ZIC2: variants seen among roughly 807,000 people sequenced by gnomAD.
ZIC2 encodes Zic family zinc finger 2, also known as zinc finger protein ZIC 2.
A neutral mutation model predicts 29.5 loss-of-function variants in ZIC2; 7 were observed. The ratio of observed to expected loss-of-function variants is 0.24; its 90% CI spans 0.14 to 0.45. The LOEUF (loss-of-function observed/expected upper bound fraction) is 0.45, where lower values mean the gene tolerates loss of function less well. ZIC2 is among the 20% of genes least tolerant of loss of function. ZIC2 has a pLI of 1.00. For missense variants in ZIC2, 589 were observed against 781.2 expected (o/e 0.75, Z 2.93); for synonymous variants, 408 against 354.2 (o/e 1.15, Z -1.70).
In ZIC2 at chr13:99,982,674, C is replaced by T; in HGVS notation, c.610C>T (p.Pro204Ser). The T allele has an allele frequency of 6.2e-7, 1 of 1,600,220 alleles. No individual in the cohort carries two copies. Among genetic ancestry groups the T allele is most frequent in the Non-Finnish European group, 8.5e-7 (1 of 1,179,592 alleles). Residue 204 changes from proline to serine, a missense_variant, in exon 1 of 3, where the codon CCC becomes TCC. Around this residue, in one of 7 missense-constraint regions of ZIC2, gnomAD observed 358 missense variants for 382.0 expected, o/e 0.94. Transcript: ENST00000376335. Reference protein sequence around the residue: ...YRQVASPRTDPYSAAQLHNQY... With the variant: ...YRQVASPRTDSYSAAQLHNQY... ...CCAGGTGGCCAGCCCGCGGACCGAC[C>T]CCTACTCGGCGGCGCAACTCCACAA...
Position 99,985,725 on chromosome 13 carries a change from C to G in ZIC2, c.*43C>G, listed in dbSNP as rs921976910. 1.7e-6 allele frequency: 2 copies of G among 1,202,544 alleles called. No homozygotes were observed. Among genetic ancestry groups the G allele is most frequent in the African/African-American group, 1.6e-5 (1 of 61,612 alleles). The allele number at this position is 1,202,544 out of a possible 1,614,324, so 74.5% of individuals were successfully genotyped here. ...CCCTCTCCCTGTCCCCACCCCAGCG[C>G]AGCAGCCCTCCCCGCAGCTAGCAGC... On this transcript the variant is annotated 3_prime_UTR_variant, in exon 3 of 3. Transcript: ENST00000376335. The surrounding 1 kb of genome is among the most constrained non-coding windows in gnomAD (Gnocchi z 6.3).
Position 99,985,475 on chromosome 13 carries a change from T to A in ZIC2, c.1392T>A (p.Ala464=), listed in dbSNP as rs921926048. ...CGGCGGCGGCAGCGGCGGCGGCGGCTGCGGCGGCGGCGGCCGCGGTGTCCG... is the reference window on the plus strand; with the variant it reads ...CGGCGGCGGCAGCGGCGGCGGCGGCAGCGGCGGCGGCGGCCGCGGTGTCCG... ...SPAAAAAAAA[A]AAAAAAVSAV... is the part of the protein sequence containing the mutation. The change falls in exon 3 of 3, where the codon GCT becomes GCA. Residue 464 remains alanine, a synonymous_variant. Transcript: ENST00000376335. The surrounding 1 kb of genome is among the most constrained non-coding windows in gnomAD (Gnocchi z 6.3). The A allele has an allele frequency of 1.9e-4, 251 of 1,291,938 alleles. 1 individual carries two copies. The highest frequency in any genetic ancestry group is 8.8e-4 in the East Asian group (27 of 30,688). 80.0% of individuals were successfully genotyped at this position (1,291,938 alleles called of 1,614,324 possible). A position where few individuals can be genotyped will look rare whatever the true frequency, so the allele number is the denominator to read the frequency against.
chr13:99,982,012 G>A lies in ZIC2; in HGVS notation c.-53G>A. On this transcript the variant is annotated 5_prime_UTR_variant, in exon 1 of 3. Transcript: ENST00000376335. ...CGCACCGCGCGGATCGGGAGCGGGA[G>A]TCGAGGCGGCGCGGAGGCGCAGGGC... 8.2e-7 allele frequency: 1 copy of A among 1,212,684 alleles called. No individual in the cohort carries two copies. The highest frequency in any genetic ancestry group is 3.4e-5 in the East Asian group (1 of 29,132). 75.1% of individuals were successfully genotyped at this position (1,212,684 alleles called of 1,614,324 possible).
chr13:99,982,696 A>C lies in ZIC2; in HGVS notation c.632A>C (p.His211Pro), dbSNP rs1018326260. The C allele has an allele frequency of 6.2e-7, 1 of 1,600,572 alleles. No individual in the cohort carries two copies. Among genetic ancestry groups the C allele is most frequent in the African/African-American group, 1.3e-5 (1 of 74,870 alleles). The stretch of plus-strand genomic sequence containing the variant: ...GACCCCTACTCGGCGGCGCAACTCC[A>C]CAACCAGTACGGCCCCATGAATATG... ...RTDPYSAAQL[H>P]NQYGPMNMNM... The change falls in exon 1 of 3, where the codon CAC becomes CCC. Residue 211 changes from histidine to proline, a missense_variant. Coordinates refer to ENST00000376335, the MANE Select transcript of ZIC2 (RefSeq NM_007129.5).
Position 99,983,218 on chromosome 13 carries a change from C to G in ZIC2, c.1075+79C>G, listed in dbSNP as rs1237982808. On this transcript the variant is annotated intron_variant, in intron 1 of 2. Transcript: ENST00000376335. The surrounding 1 kb of genome is among the most constrained non-coding windows in gnomAD (Gnocchi z 4.7). Reference sequence around the variant, plus strand: ...GAGACTCAGGCTGTGGGTGCCGACGCTGGGCGCAGACCGCCAGCCGGGGAC... The same window carrying G: ...GAGACTCAGGCTGTGGGTGCCGACGGTGGGCGCAGACCGCCAGCCGGGGAC... 2 of 1,547,182 alleles carry G rather than the reference C, an allele frequency of 1.3e-6. No individual in the cohort carries two copies. Among genetic ancestry groups the G allele is most frequent in the African/African-American group, 1.4e-5 (1 of 72,222 alleles).
rs1379357956 is a variant in ZIC2 at position 99,985,487 on chromosome 13, G to C, written c.1404G>C (p.Ala468=). The C allele has an allele frequency of 1.6e-6, 2 of 1,251,448 alleles. No individual in the cohort carries two copies. The highest frequency in any genetic ancestry group is 5.9e-5 in the South Asian group (2 of 34,184). 77.5% of individuals were successfully genotyped at this position (1,251,448 alleles called of 1,614,324 possible). Residue 468 remains alanine (A), a synonymous_variant, in exon 3 of 3, where the codon GCG becomes GCC. Transcript: ENST00000376335. The surrounding 1 kb of genome is among the most constrained non-coding windows in gnomAD (Gnocchi z 6.3). ...AAAAAAAAAA[A]AAVSAVHRGG... ...CGGCGGCGGCGGCTGCGGCGGCGGCGGCCGCGGTGTCCGCGGTGCACCGGG... is the reference window on the plus strand; with the variant it reads ...CGGCGGCGGCGGCTGCGGCGGCGGCCGCCGCGGTGTCCGCGGTGCACCGGG...
chr13:99,981,869 C>T lies in ZIC2; in HGVS notation c.-196C>T, dbSNP rs2053234309. 2.6e-6 allele frequency: 3 copies of T among 1,168,760 alleles called. No individual in the cohort carries two copies. Among genetic ancestry groups the T allele is most frequent in the Non-Finnish European group, 3.4e-6 (3 of 883,724 alleles). The allele number at this position is 1,168,760 out of a possible 1,614,324, so 72.4% of individuals were successfully genotyped here. Reference sequence around the variant, plus strand: ...TCCTCTCCGCGCCTTCGCTACGCGCCCGGCCGCCCGAGGCAGATCCAGGCG... The same window carrying T: ...TCCTCTCCGCGCCTTCGCTACGCGCTCGGCCGCCCGAGGCAGATCCAGGCG... On this transcript the variant is annotated 5_prime_UTR_variant, in exon 1 of 3. Transcript: ENST00000376335.
At position 99,985,287 on chromosome 13, in the gene ZIC2, C is replaced by T. The variant is rs746882309; in HGVS notation, c.1240-36C>T. 2.5e-6 allele frequency: 4 copies of T among 1,599,444 alleles called. No homozygotes were observed. Among genetic ancestry groups the T allele is most frequent in the South Asian group, 2.2e-5 (2 of 91,048 alleles). On this transcript the variant is annotated intron_variant, in intron 2 of 2. Coordinates refer to ENST00000376335, the MANE Select transcript of ZIC2 (RefSeq NM_007129.5). The surrounding 1 kb of genome is among the most constrained non-coding windows in gnomAD (Gnocchi z 6.3). ...CACAGCAGCTGCACTCACACCCAGT[C>T]CCCTCTGGTCCCCCCTCCCGGCTTT...
At chr13:99,984,895 C>T in intron 1 of ZIC2, 51 bp from the exon 2 acceptor site, 1 of 1,612,942 alleles carries the variant, frequency 6.2e-7, no homozygotes, top group Non-Finnish European at 8.5e-7. Context: ...TGAGTGGGGG[C>T]TCTGCAGGCT....
chr13:99,986,739 A>G lies in ZIC2; in HGVS notation c.*1057A>G, dbSNP rs2053272444. The G allele has an allele frequency of 6.5e-6, 1 of 152,674 alleles. No individual in the cohort carries two copies. The highest frequency in any genetic ancestry group is 1.5e-5 in the Non-Finnish European group (1 of 68,052). 9.5% of individuals were successfully genotyped at this position (152,674 alleles called of 1,614,324 possible). ...ATGTTTTGAGAGTAATGCATACAGA[A>G]ATATAATAAAATGTGTTGAAACTGC... On this transcript the variant is annotated 3_prime_UTR_variant, in exon 3 of 3. Coordinates refer to ENST00000376335, the MANE Select transcript of ZIC2 (RefSeq NM_007129.5).
At chr13:99,984,006 G>T (rs1180385155) in intron 1 of ZIC2, among the ~76,000 whole-genome samples, 7 of 152,260 alleles carry the variant, frequency 4.6e-5, no homozygotes, top group Non-Finnish European at 1.0e-4. Flanking sequence ...TGCGCCAGCG[G>T]CCTATTGTTC....
Position 99,985,743 on chromosome 13 carries a change from C to A in ZIC2, c.*61C>A. The A allele has an allele frequency of 9.5e-7, 1 of 1,052,742 alleles. No individual in the cohort carries two copies. 65.2% of individuals were successfully genotyped at this position (1,052,742 alleles called of 1,614,324 possible). The stretch of plus-strand genomic sequence containing the variant: ...CCCAGCGCAGCAGCCCTCCCCGCAG[C>A]TAGCAGCGAGGGCACCTTGTGATCA... On this transcript the variant is annotated 3_prime_UTR_variant, in exon 3 of 3. Transcript: ENST00000376335. This position sits in a 1 kb window ranked among gnomAD's most constrained non-coding sequence, Gnocchi z 6.3.
In ZIC2 at chr13:99,985,317, T is replaced by A; in HGVS notation, c.1240-6T>A. The A allele has an allele frequency of 6.3e-7, 1 of 1,598,382 alleles. No individual in the cohort carries two copies. Among genetic ancestry groups the A allele is most frequent in the Non-Finnish European group, 8.5e-7 (1 of 1,179,340 alleles). ...CTGGTCCCCCCTCCCGGCTTTTGTC[T>A]TGCAGGTCCATGAGTCCTCCCCGCA... On this transcript the variant is annotated splice_polypyrimidine_tract_variant and splice_region_variant and intron_variant, in intron 2 of 2. Coordinates refer to ENST00000376335, the MANE Select transcript of ZIC2 (RefSeq NM_007129.5). This position sits in a 1 kb window ranked among gnomAD's most constrained non-coding sequence, Gnocchi z 6.3.
chr13:99,982,405 A>G lies in ZIC2; in HGVS notation c.341A>G (p.Asn114Ser), dbSNP rs1233629180. ...GGCTCCTACTCTGGGCCGCCCTTCA[A>G]CTCCACCCGGGACTTCCTGTTCCGC... Reference protein sequence around the residue: ...HVGSYSGPPFNSTRDFLFRSR... With the variant: ...HVGSYSGPPFSSTRDFLFRSR... The change falls in exon 1 of 3, where the codon AAC becomes AGC. Residue 114 changes from asparagine (N) to serine (S), a missense_variant. Physicochemically the swap from Asn to Ser is conservative, Grantham distance 46. This residue lies in a region of ZIC2 where 358 missense variants were observed against 382.0 expected (regional missense o/e 0.94). Coordinates refer to ENST00000376335, the MANE Select transcript of ZIC2 (RefSeq NM_007129.5). The G allele has an allele frequency of 6.8e-7, 1 of 1,472,888 alleles. No homozygotes were observed. The highest frequency in any genetic ancestry group is 2.9e-5 in the East Asian group (1 of 34,118). 91.2% of individuals were successfully genotyped at this position (1,472,888 alleles called of 1,614,324 possible).
chr13:99,984,745 A>G (rs564410817), intron 1 of ZIC2: 1 of 610,482 alleles, frequency 1.6e-6, no homozygotes, highest in East Asian at 2.9e-5. Flanking sequence ...AAAGTAAAAT[A>G]CGAAATAAAT....
At position 99,985,571 on chromosome 13, in the gene ZIC2, C is replaced by T; in HGVS notation, c.1488C>T (p.Gly496=). Residue 496 remains glycine, a synonymous_variant, in exon 3 of 3, where the codon GGC becomes GGT. Coordinates refer to ENST00000376335, the MANE Select transcript of ZIC2 (RefSeq NM_007129.5). This position sits in a 1 kb window ranked among gnomAD's most constrained non-coding sequence, Gnocchi z 6.3. ...GGGSGGGSGS[G]GGGGGAGGGG... ...GCTCAGGCGGCGGCAGCGGCAGTGG[C>T]GGGGGCGGCGGCGGGGCGGGCGGCG... 1 of 605,618 alleles carries T rather than the reference C, an allele frequency of 1.7e-6. No homozygotes were observed. 37.5% of individuals were successfully genotyped at this position (605,618 alleles called of 1,614,324 possible).
Position 99,985,604 on chromosome 13 carries a change from C to A in ZIC2, c.1521C>A (p.Gly507=), listed in dbSNP as rs761271585. 4 of 1,020,468 alleles carry A rather than the reference C, an allele frequency of 3.9e-6. No homozygotes were observed. Among genetic ancestry groups the A allele is most frequent in the Non-Finnish European group, 4.8e-6 (4 of 837,934 alleles). The allele number at this position is 1,020,468 out of a possible 1,614,324, so 63.2% of individuals were successfully genotyped here. ...GCGGCGGGGCGGGCGGCGGGGGCGG[C>A]GGCAGCTCTGGCGGGGGCAGCGGGA... is the stretch of plus-strand genomic sequence containing the variant. ...GGGGGAGGGG[G]GSSGGGSGTA... is the part of the protein sequence containing the mutation. The change falls in exon 3 of 3, where the codon GGC becomes GGA. Residue 507 remains glycine, a synonymous_variant. Coordinates refer to ENST00000376335, the MANE Select transcript of ZIC2 (RefSeq NM_007129.5). This position sits in a 1 kb window ranked among gnomAD's most constrained non-coding sequence, Gnocchi z 6.3.
rs1221924299 is a variant in ZIC2 at position 99,986,638 on chromosome 13, A to C, written c.*956A>C. 6.5e-6 allele frequency: 1 copy of C among 152,878 alleles called. No homozygotes were observed. Among genetic ancestry groups the C allele is most frequent in the Non-Finnish European group, 1.5e-5 (1 of 68,188 alleles). 9.5% of individuals were successfully genotyped at this position (152,878 alleles called of 1,614,324 possible). On this transcript the variant is annotated 3_prime_UTR_variant, in exon 3 of 3. Transcript: ENST00000376335. ...TTATAAAGAATGTTTCTTAACTATAAATATGTACAATTGTGGGCATAAACT... is the reference window on the plus strand; with the variant it reads ...TTATAAAGAATGTTTCTTAACTATACATATGTACAATTGTGGGCATAAACT...
rs773487576 is a variant in ZIC2 at position 99,982,808 on chromosome 13, G to A, written c.744G>A (p.Arg248=). 1.9e-6 allele frequency: 3 copies of A among 1,611,824 alleles called. No individual in the cohort carries two copies. Among genetic ancestry groups the A allele is most frequent in the African/African-American group, 1.3e-5 (1 of 74,994 alleles). The change falls in exon 1 of 3, where the codon CGG becomes CGA. Residue 248 remains arginine, a synonymous_variant. Transcript: ENST00000376335. ...HHPGAFFRYM[R]QQCIKQELIC... is the part of the protein sequence containing the mutation. ...CCGGTGCCTTTTTCCGCTATATGCGGCAGCAGTGCATCAAGCAGGAGCTAA... is the reference window on the plus strand; with the variant it reads ...CCGGTGCCTTTTTCCGCTATATGCGACAGCAGTGCATCAAGCAGGAGCTAA...
Sources: gnomAD v4.1 joint callset for allele counts (sites outside exome capture counted in the v4.1 genomes callset) on GRCh38, gnomAD v4.1.1 for gene constraint, gnomAD v4.1.1 regional missense constraint, Gnocchi (gnomAD v3.1) non-coding constraint, MANE v1.5 for transcripts, NCBI Gene and HGNC (gene_info 2026-07-23, HGNC 2026-07-21) for gene names.